The following ANGPTL1 variants were observed in gnomAD, a reference collection of about 807,000 sequenced individuals.
ANGPTL1 encodes angiopoietin-related protein 1.
In ANGPTL1, 36 loss-of-function variants were observed where a neutral mutation model predicts 46.7. The observed-to-expected ratio is 0.77, with a 90% CI of 0.59 to 1.02. The LOEUF (loss-of-function observed/expected upper bound fraction) is 1.02, where lower values mean the gene tolerates loss of function less well. Among genes scored for constraint, ANGPTL1 ranks in the 50% least tolerant of loss-of-function variants. The pLI is 0.00. For missense variants in ANGPTL1, 571 were observed against 594.7 expected (o/e 0.96, Z 0.41); for synonymous variants, 221 against 204.3 (o/e 1.08, Z -0.69).
In ANGPTL1 at chr1:178,853,637, G is replaced by A. The variant is rs1465607407; in HGVS notation, c.974C>T (p.Thr325Ile). ...PGGWTVIQKRTDGSVNFFRNW... is the reference protein window; with the variant it reads ...PGGWTVIQKRIDGSVNFFRNW... Reference sequence around the variant, plus strand: ...TCTGAAGAAGTTGACAGAGCCGTCTGTTCTTTTCTGAATAACAGTCCAACC... The same window carrying A: ...TCTGAAGAAGTTGACAGAGCCGTCTATTCTTTTCTGAATAACAGTCCAACC... Residue 325 changes from threonine (T) to isoleucine (I), a missense_variant, in exon 4 of 6, where the codon ACA (threonine) becomes ATA (isoleucine). Physicochemically the swap from Thr to Ile is moderately conservative, Grantham distance 89. Transcript: ENST00000234816. 3.7e-6 allele frequency: 6 copies of A among 1,609,070 alleles called. No homozygotes were observed. The highest frequency in any genetic ancestry group is 1.3e-5 in the African/African-American group (1 of 74,458).
intron 3 of ANGPTL1, among the ~76,000 whole-genome samples, chr1:178,858,634 G>C (rs2102313958): frequency 6.6e-6 from 1 of 152,198 alleles, no homozygotes; most frequent in South Asian, 2.1e-4. Context: ...ATTTATGTGA[G>C]GATTAAAGTT....
intron 3 of ANGPTL1, among the ~76,000 whole-genome samples, chr1:178,856,420 T>TTTTTTTTTTTTTTTTTTTTTTTG (rs1558152822): frequency 8.3e-6 from 1 of 120,566 alleles, no homozygotes; most frequent in African/African-American, 3.5e-5. Context: ...TTTTTTTTTT[T>TTTTTTTTTTTTTTTTTTTTTTTG]TTTTTTGAGA....
rs969333611 is a variant in ANGPTL1, at chr1:178,870,727, G to T, written c.-137+14C>A. The stretch of plus-strand genomic sequence containing the variant: ...CTATACATAATATTTTTAAATAAAA[G>T]AAATATTAAATACCTTTTTGTGTCT... On this transcript the variant is annotated intron_variant, in intron 1 of 5. Coordinates refer to ENST00000234816, the MANE Select transcript of ANGPTL1 (RefSeq NM_004673.4). The T allele has an allele frequency of 1.3e-5, 2 of 152,058 alleles. No individual in the cohort carries two copies. Among genetic ancestry groups the T allele is most frequent in the African/African-American group, 4.8e-5 (2 of 41,398 alleles). The allele number at this position is 152,058 out of a possible 1,614,324, so 9.4% of individuals were successfully genotyped here.
At chr1:178,865,971 G>A (rs1379278931) in intron 2 of ANGPTL1, among the ~76,000 whole-genome samples, 169 bp from the exon 3 acceptor site, 1 of 152,152 alleles carries the variant, frequency 6.6e-6, no homozygotes, top group Non-Finnish European at 1.5e-5. Context: ...ATATTAAGTT[G>A]TAATACTTTG....
chr1:178,860,363 C>T (rs1254688144), intron 3 of ANGPTL1, among the ~76,000 whole-genome samples: 1 of 151,964 alleles, frequency 6.6e-6, no homozygotes, highest in Non-Finnish European at 1.5e-5. Flanking sequence ...TTTTTTATAA[C>T]TTCATGGGTT....
At chr1:178,857,516 A>G (rs1245500157) in intron 3 of ANGPTL1, among the ~76,000 whole-genome samples, 1 of 152,184 alleles carries the variant, frequency 6.6e-6, no homozygotes, top group African/African-American at 2.4e-5. Context: ...TGTAGCGCAC[A>G]TGGTAGCAAA....
At position 178,865,820 on chromosome 1, in the gene ANGPTL1, A is replaced by G. The variant is rs771293082; in HGVS notation, c.-26-18T>C. On this transcript the variant is annotated intron_variant, in intron 2 of 5. Coordinates refer to ENST00000234816, the MANE Select transcript of ANGPTL1 (RefSeq NM_004673.4). ...AATGATGTCTTTTGAAAAACAAATC[A>G]GTGAAGGAGAAAAAGCAAAAAGAAT... The G allele has an allele frequency of 6.9e-7, 1 of 1,446,128 alleles. No homozygotes were observed. The highest frequency in any genetic ancestry group is 1.3e-5 in the South Asian group (1 of 74,166). 89.6% of individuals were successfully genotyped at this position (1,446,128 alleles called of 1,614,324 possible). A position where few individuals can be genotyped will look rare whatever the true frequency, so the allele number is the denominator to read the frequency against.
At chr1:178,862,125 G>A (rs1021010596) in intron 3 of ANGPTL1, among the ~76,000 whole-genome samples, 12 of 152,014 alleles carry the variant, frequency 7.9e-5, no homozygotes, top group Admixed American at 2.6e-4. Context: ...CGTCTGCCTC[G>A]GCCTCCGAAA....
intron 2 of ANGPTL1, 80 bp from the exon 3 acceptor site, chr1:178,865,882 ACTAT>A: frequency 1.2e-6 from 1 of 836,038 alleles, no homozygotes; most frequent in Non-Finnish European, 1.8e-6. Flanking sequence ...AATCTTAAAA[ACTAT>A]CTGAGGGAAA....
chr1:178,856,394 ATTT>A lies in ANGPTL1; in HGVS notation c.824-2610_824-2608del, dbSNP rs71108081. On this transcript the variant is annotated intron_variant, in intron 3 of 5. Transcript: ENST00000234816. ...AGGCAAGTGCCACCCTGCCTGGCTA[ATTT>A]TTTTTTTTTTTTTTTTTTTTTTTTT... 9.3e-3 allele frequency among the ~76,000 whole-genome samples: 338 copies of A among 36,290 alleles called. 4 individuals carry two copies. The highest frequency in any genetic ancestry group is 0.047 in the African/African-American group (315 of 6,726). The allele number at this position is 36,290 out of a possible 152,430, so 23.8% of individuals were successfully genotyped here.
chr1:178,856,555 C>G (rs1274275333), intron 3 of ANGPTL1, among the ~76,000 whole-genome samples: 1 of 151,102 alleles, frequency 6.6e-6, no homozygotes, highest in Non-Finnish European at 1.5e-5. Context: ...CTCCACCCAG[C>G]CTTTACATTG....
In ANGPTL1 at chr1:178,865,589, G is replaced by A; in HGVS notation, c.188C>T (p.Pro63Leu). The change falls in exon 3 of 6, where the codon CCA becomes CTA. Residue 63 changes from proline (P) to leucine (L), a missense_variant. Physicochemically the swap from Pro to Leu is moderately conservative, Grantham distance 98 (BLOSUM62 -3). Transcript: ENST00000234816. ...TTGCCCCTTGGTGTTGACACAGATTGGCCCTGTTATTCTTTGTTCAGGTAC... is the reference window on the plus strand; with the variant it reads ...TTGCCCCTTGGTGTTGACACAGATTAGCCCTGTTATTCTTTGTTCAGGTAC... ...FLVPEQRITG[P>L]ICVNTKGQDA... The A allele has an allele frequency of 6.2e-7, 1 of 1,613,978 alleles. No homozygotes were observed.
chr1:178,856,394 ATTTTTTTTTTTTTTTT>A (rs71108081), intron 3 of ANGPTL1, among the ~76,000 whole-genome samples: 3 of 36,432 alleles, frequency 8.2e-5, no homozygotes, highest in Non-Finnish European at 1.4e-4. Context: ...TGCCTGGCTA[ATTTTTTTTTTTTTTTT>A]TTTTTTTTTT....
At chr1:178,868,126 T>C (rs1658533945) in intron 2 of ANGPTL1, among the ~76,000 whole-genome samples, 1 of 152,024 alleles carries the variant, frequency 6.6e-6, no homozygotes, top group South Asian at 2.1e-4. Context: ...TAGCTTTTTA[T>C]GTTTTCATAC....
In ANGPTL1 at chr1:178,851,236, C is replaced by G. The variant is rs1657153363; in HGVS notation, c.1369G>C (p.Gly457Arg). The G allele has an allele frequency of 1.2e-6, 2 of 1,613,862 alleles. No individual in the cohort carries two copies. Among genetic ancestry groups the G allele is most frequent in the South Asian group, 2.2e-5 (2 of 91,058 alleles). ...HSNLNGVWYR[G>R]GHYRSKHQDG... ...TGGTGCTTGCTTCTGTAATGGCCTCCTCTGTACCATACTCCATTTAGGTTA... is the reference window on the plus strand; with the variant it reads ...TGGTGCTTGCTTCTGTAATGGCCTCGTCTGTACCATACTCCATTTAGGTTA... Residue 457 changes from glycine to arginine, a missense_variant, in exon 6 of 6, where the codon GGA becomes CGA. Physicochemically the swap from Gly to Arg is moderately radical, Grantham distance 125 (BLOSUM62 -2). Coordinates refer to ENST00000234816, the MANE Select transcript of ANGPTL1 (RefSeq NM_004673.4).
chr1:178,864,836 A>G (rs368480335), intron 3 of ANGPTL1, 118 bp downstream of exon 3: 1 of 598,974 alleles, frequency 1.7e-6, no homozygotes, highest in South Asian at 8.8e-5. Context: ...AACAATAGAA[A>G]TTTTAATGTA....
In ANGPTL1 at chr1:178,850,976, T is replaced by G; in HGVS notation, c.*153A>C. 1.6e-6 allele frequency: 1 copy of G among 629,726 alleles called. No homozygotes were observed. Among genetic ancestry groups the G allele is most frequent in the Non-Finnish European group, 2.4e-6 (1 of 412,930 alleles). 39.0% of individuals were successfully genotyped at this position (629,726 alleles called of 1,614,324 possible). ...TAATTGACGACAGATGAAACTACATTTATAGGTTCCCTTTTATAGTTACGG... is the reference window on the plus strand; with the variant it reads ...TAATTGACGACAGATGAAACTACATGTATAGGTTCCCTTTTATAGTTACGG... On this transcript the variant is annotated 3_prime_UTR_variant, in exon 6 of 6. Transcript: ENST00000234816.
Position 178,865,330 on chromosome 1 carries a change from A to G in ANGPTL1, c.447T>C (p.Leu149=), listed in dbSNP as rs375097155. 1.1e-5 allele frequency: 18 copies of G among 1,613,930 alleles called. No individual in the cohort carries two copies. In the African/African-American group the frequency reaches 2.4e-4, roughly 22 times the overall value. ...TTTTGTTTTCCAGTTGGGAAAGTTC[A>G]AGTGAATTATCCCTCTTACGGATAA... ...HEIIRKRDNS[L]ELSQLENKIL... is the part of the protein sequence containing the mutation. The change falls in exon 3 of 6, where the codon CTT becomes CTC. Residue 149 remains leucine, a synonymous_variant. Transcript: ENST00000234816.
intron 3 of ANGPTL1, among the ~76,000 whole-genome samples, chr1:178,858,595 A>G (rs1657746710): frequency 6.6e-6 from 1 of 152,180 alleles, no homozygotes; most frequent in South Asian, 2.1e-4. Flanking sequence ...TGTACATTGA[A>G]TTTGAAGAAC....
Sources: allele counts gnomAD v4.1 joint callset (sites outside exome capture counted in the v4.1 genomes callset), GRCh38; gene constraint gnomAD v4.1.1; transcripts MANE v1.5; gene names NCBI Gene and HGNC (gene_info 2026-07-23, HGNC 2026-07-21).